ALG14: variants seen among roughly 807,000 people sequenced by gnomAD.
ALG14 encodes the protein UDP-N-acetylglucosamine transferase subunit ALG14.
Under a neutral mutation model 22.8 loss-of-function variants are expected in ALG14, and 17 were observed. That is an observed-to-expected ratio of 0.75 (90% confidence interval 0.51 to 1.12). The LOEUF is 1.12. Ranked by LOEUF, ALG14 falls within the 50% of genes most tolerant of loss-of-function variation. ALG14 has a pLI of 0.00. For missense variants in ALG14, 288 were observed against 271.8 expected, an observed-to-expected ratio of 1.06 and a Z score of -0.42; for synonymous variants, 89 against 103.7, an observed-to-expected ratio of 0.86 and a Z score of 0.86.
At chr1:95,034,461 A>G (rs1023372340) in intron 2 of ALG14, among the ~76,000 whole-genome samples, 2 of 152,222 alleles carry the variant, frequency 1.3e-5, no homozygotes, top group African/African-American at 4.8e-5. Context: ...GACTATCATT[A>G]TAATTTCTAG....
intron 3 of ALG14, among the ~76,000 whole-genome samples, chr1:94,999,864 C>T (rs765995356): frequency 2.0e-5 from 3 of 152,174 alleles, no homozygotes; most frequent in Non-Finnish European, 2.9e-5. Flanking sequence ...CCTCTCAAAT[C>T]TGGGCCTTGC....
At chr1:95,055,066 A>G (rs1179547307) in intron 2 of ALG14, among the ~76,000 whole-genome samples, 1 of 152,252 alleles carries the variant, frequency 6.6e-6, no homozygotes, top group Non-Finnish European at 1.5e-5. Flanking sequence ...CACATGCAGA[A>G]AAGACATTTG....
At chr1:95,050,096 T>C (rs770495189) in intron 2 of ALG14, among the ~76,000 whole-genome samples, 3 of 152,218 alleles carry the variant, frequency 2.0e-5, no homozygotes, top group Non-Finnish European at 2.9e-5. Context: ...AATGTGGATT[T>C]TGGCTTCTCA....
At chr1:95,052,139 A>G (rs150657025) in intron 2 of ALG14, among the ~76,000 whole-genome samples, 1 of 152,338 alleles carries the variant, frequency 6.6e-6, no homozygotes, top group East Asian at 1.9e-4. Context: ...AAACCAAGAC[A>G]TATTTTCAGG....
rs1672474846 is a variant in ALG14, at chr1:94,980,455, T to C, written c.*2621A>G. ...TCCCTGCCTCTCATTTGAAGACTGA[T>C]TCAATTAATTTTTTCATGAACAGTC... is the stretch of plus-strand genomic sequence containing the variant. On this transcript the variant is annotated 3_prime_UTR_variant, in exon 4 of 4. Coordinates refer to ENST00000370205, the MANE Select transcript of ALG14 (RefSeq NM_144988.4). The C allele has an allele frequency of 6.6e-6, 1 of 152,142 alleles. No individual in the cohort carries two copies. Among genetic ancestry groups the C allele is most frequent in the Non-Finnish European group, 1.5e-5 (1 of 68,032 alleles). The allele number at this position is 152,142 out of a possible 1,614,324, so 9.4% of individuals were successfully genotyped here.
chr1:95,043,689 A>C (rs1674453639), intron 2 of ALG14, among the ~76,000 whole-genome samples: 1 of 152,080 alleles, frequency 6.6e-6, no homozygotes, highest in Admixed American at 6.6e-5. Flanking sequence ...CCATTTCTGA[A>C]GCTTCAAGGA....
At chr1:95,016,717 C>T (rs1429509274) in intron 3 of ALG14, among the ~76,000 whole-genome samples, 4 of 152,068 alleles carry the variant, frequency 2.6e-5, no homozygotes, top group African/African-American at 7.2e-5. Flanking sequence ...TCCCCAAGAA[C>T]ATCTATTAGG....
intron 3 of ALG14, among the ~76,000 whole-genome samples, chr1:95,007,903 C>T (rs1227301973): frequency 6.6e-6 from 1 of 152,190 alleles, no homozygotes; most frequent in Non-Finnish European, 1.5e-5. Flanking sequence ...CAGACCAGTT[C>T]CAAGGTAAAC....
intron 3 of ALG14, among the ~76,000 whole-genome samples, chr1:95,005,190 C>T (rs1055985797): frequency 6.6e-5 from 10 of 152,024 alleles, no homozygotes; most frequent in Admixed American, 4.6e-4. Flanking sequence ...GTCTTTCAGG[C>T]GAAAAAGGCA....
At chr1:95,012,004 GT>G (rs959016828) in intron 3 of ALG14, among the ~76,000 whole-genome samples, 6 of 152,138 alleles carry the variant, frequency 3.9e-5, no homozygotes, top group African/African-American at 1.4e-4. Flanking sequence ...CAAGGGGGTG[GT>G]TTCCCCCATA....
chr1:95,031,957 C>T lies in ALG14; in HGVS notation c.289-4697G>A, dbSNP rs143260417. 1.7e-3 allele frequency among the ~76,000 whole-genome samples: 266 copies of T among 152,154 alleles called. 1 individual carries two copies. The highest frequency in any genetic ancestry group is 4.0e-3 in the South Asian group (19 of 4,804). On this transcript the variant is annotated intron_variant, in intron 2 of 3. Transcript: ENST00000370205. ...CCAAGTAGCTGGGACTACAGGCACG[C>T]ACCACCACACCCACCTAATTTTTGC...
chr1:95,071,454 G>C (rs1455787920), intron 1 of ALG14, among the ~76,000 whole-genome samples: 1 of 152,176 alleles, frequency 6.6e-6, no homozygotes, highest in Non-Finnish European at 1.5e-5. Flanking sequence ...TGAGGCAGGA[G>C]AATGGCTTGA....
chr1:95,055,295 T>G (rs934831110), intron 2 of ALG14, among the ~76,000 whole-genome samples: 5 of 152,172 alleles, frequency 3.3e-5, no homozygotes, highest in Admixed American at 3.3e-4. Flanking sequence ...TAACAAAGAT[T>G]CATAGTAAAT....
chr1:95,009,498 A>G (rs1673308699), intron 3 of ALG14, among the ~76,000 whole-genome samples: 1 of 152,164 alleles, frequency 6.6e-6, no homozygotes, highest in Admixed American at 6.5e-5. Context: ...GATTTTGACC[A>G]GTCACCAGGG....
At chr1:94,988,606 A>T (rs970636795) in intron 3 of ALG14, among the ~76,000 whole-genome samples, 4 of 152,212 alleles carry the variant, frequency 2.6e-5, no homozygotes, top group African/African-American at 9.7e-5. Flanking sequence ...AATGGAATGA[A>T]TGATCTACAT....
intron 3 of ALG14, among the ~76,000 whole-genome samples, chr1:94,985,128 T>G (rs1672609440): frequency 1.3e-5 from 2 of 152,178 alleles, no homozygotes; most frequent in African/African-American, 2.4e-5. Flanking sequence ...GGTCACTTTT[T>G]TTTTATTTCT....
intron 3 of ALG14, among the ~76,000 whole-genome samples, chr1:94,986,772 T>C (rs750540518): frequency 0.04 from 4,506 of 112,354 alleles, 98 homozygotes; most frequent in Non-Finnish European, 0.06. Context: ...CGCCTGGCCC[T>C]TTTTTTTTTT....
chr1:95,040,910 G>A (rs1674357582), intron 2 of ALG14, among the ~76,000 whole-genome samples: 1 of 152,150 alleles, frequency 6.6e-6, no homozygotes, highest in South Asian at 2.1e-4. Context: ...GTTATTCACA[G>A]CTATTTTAAT....
At chr1:94,999,052 T>C (rs977801130) in intron 3 of ALG14, among the ~76,000 whole-genome samples, 5 of 152,188 alleles carry the variant, frequency 3.3e-5, no homozygotes, top group Admixed American at 3.3e-4. Flanking sequence ...ACAGGTTTTA[T>C]ATAATACCTG....
Sources: allele counts gnomAD v4.1 joint callset (sites outside exome capture counted in the v4.1 genomes callset), GRCh38; gene constraint gnomAD v4.1.1; transcripts MANE v1.5; gene names NCBI Gene and HGNC (gene_info 2026-07-23, HGNC 2026-07-21).